Variants in TMEM119 observed in about 807,000 individuals in gnomAD.
TMEM119 encodes the protein osteoblast induction factor.
For synonymous variants in TMEM119, 182 were observed against 176.4 expected, an observed-to-expected ratio of 1.03 and a Z score of -0.25; for missense variants, 410 against 381.0, an observed-to-expected ratio of 1.08 and a Z score of -0.63.
intron 1 of TMEM119, among the ~76,000 whole-genome samples, chr12:108,597,457 CCA>C (rs140676624): frequency 6.0e-5 from 9 of 149,362 alleles, no homozygotes; most frequent in Admixed American, 1.3e-4. Flanking sequence ...CAATCCCCCT[CCA>C]CACACACACA....
intron 1 of TMEM119, among the ~76,000 whole-genome samples, chr12:108,594,768 A>G (rs1316079534): frequency 6.6e-6 from 1 of 151,926 alleles, no homozygotes; most frequent in African/African-American, 2.4e-5. Flanking sequence ...CCACCTCTAC[A>G]AAAAAATAAA....
chr12:108,595,504 C>A, intron 1 of TMEM119, among the ~76,000 whole-genome samples: 1 of 149,060 alleles, frequency 6.7e-6, no homozygotes, highest in East Asian at 2.0e-4. Context: ...TGCACACACG[C>A]CACACATACC....
At chr12:108,597,656 C>T (rs905077004) in intron 1 of TMEM119, among the ~76,000 whole-genome samples, 1 of 151,976 alleles carries the variant, frequency 6.6e-6, no homozygotes, top group South Asian at 2.1e-4. Context: ...GCACACAGGA[C>T]AATACCGTCC....
rs2031395803 is a variant in TMEM119, at chr12:108,591,526, G to A, written c.*6C>T. ...GACAGTCAGGGCTGGCAGCCCGGGA[G>A]GACTGTTAGACACTGGGGTGGACAC... On this transcript the variant is annotated 3_prime_UTR_variant, in exon 2 of 2. Transcript: ENST00000392806. The surrounding 1 kb of genome is among the most constrained non-coding windows in gnomAD (Gnocchi z 4.2). 2 of 1,575,572 alleles carry A rather than the reference G, an allele frequency of 1.3e-6. No individual in the cohort carries two copies. Among genetic ancestry groups the A allele is most frequent in the East Asian group, 4.5e-5 (2 of 44,282 alleles).
rs527251100 is a variant in TMEM119, at chr12:108,590,286, C to T, written c.*1246G>A. 6.6e-6 allele frequency: 1 copy of T among 152,280 alleles called. No individual in the cohort carries two copies. Among genetic ancestry groups the T allele is most frequent in the South Asian group, 2.1e-4 (1 of 4,828 alleles). The allele number at this position is 152,280 out of a possible 1,614,324, so 9.4% of individuals were successfully genotyped here. A position where few individuals can be genotyped will look rare whatever the true frequency, so the allele number is the denominator to read the frequency against. On this transcript the variant is annotated 3_prime_UTR_variant, in exon 2 of 2. Transcript: ENST00000392806. Reference sequence around the variant, plus strand: ...GAGCGCTTGAGAGGATTTAAATGCCCTATACCCCACATCCCTAATCCTGGA... The same window carrying T: ...GAGCGCTTGAGAGGATTTAAATGCCTTATACCCCACATCCCTAATCCTGGA...
rs922810391 is a variant in TMEM119, at chr12:108,590,696, C to CA, written c.*835dup. 7.5e-4 allele frequency: 110 copies of CA among 147,164 alleles called. No individual in the cohort carries two copies. The highest frequency in any genetic ancestry group is 5.5e-3 in the East Asian group (28 of 5,090). 9.1% of individuals were successfully genotyped at this position (147,164 alleles called of 1,614,324 possible). ...TGGGTGACAGACCGAGACTCCGTCT[C>CA]AAAAAAAAAAATCTTGTTTCCGTAG... On this transcript the variant is annotated 3_prime_UTR_variant, in exon 2 of 2. Coordinates refer to ENST00000392806, the MANE Select transcript of TMEM119 (RefSeq NM_181724.3).
At chr12:108,593,540 C>A (rs2031454727) in intron 1 of TMEM119, among the ~76,000 whole-genome samples, 1 of 152,152 alleles carries the variant, frequency 6.6e-6, no homozygotes, top group South Asian at 2.1e-4. Flanking sequence ...CATGGACAGC[C>A]CCCTGTGGCT....
At position 108,591,459 on chromosome 12, in the gene TMEM119, G is replaced by A; in HGVS notation, c.*73C>T. 2 of 1,487,834 alleles carry A rather than the reference G, an allele frequency of 1.3e-6. No homozygotes were observed. The highest frequency in any genetic ancestry group is 1.8e-6 in the Non-Finnish European group (2 of 1,117,022). The allele number at this position is 1,487,834 out of a possible 1,614,324, so 92.2% of individuals were successfully genotyped here. On this transcript the variant is annotated 3_prime_UTR_variant, in exon 2 of 2. Transcript: ENST00000392806. This position sits in a 1 kb window ranked among gnomAD's most constrained non-coding sequence, Gnocchi z 4.2. ...GGAGTGTCAGGAAGCAGTCAGGGCTGAAGGCCTTTTCATACACGGGGAGGT... is the reference window on the plus strand; with the variant it reads ...GGAGTGTCAGGAAGCAGTCAGGGCTAAAGGCCTTTTCATACACGGGGAGGT...
intron 1 of TMEM119, chr12:108,594,096 A>C (rs146160518): frequency 1.3e-5 from 2 of 152,418 alleles, no homozygotes; most frequent in Non-Finnish European, 2.9e-5. Context: ...GGCTGCGGTC[A>C]CATCTCCAGC....
chr12:108,595,411 ACACT>A (rs1161757689), intron 1 of TMEM119, among the ~76,000 whole-genome samples: 3 of 149,244 alleles, frequency 2.0e-5, no homozygotes, highest in East Asian at 2.0e-4. Flanking sequence ...TACCACACAC[ACACT>A]CACACACCCA....
Position 108,592,270 on chromosome 12 carries a change from C to A in TMEM119, c.114G>T (p.Val38=). The change falls in exon 2 of 2, where the codon GTG becomes GTT. Residue 38 remains valine (V), a synonymous_variant. Coordinates refer to ENST00000392806, the MANE Select transcript of TMEM119 (RefSeq NM_181724.3). This position sits in a 1 kb window ranked among gnomAD's most constrained non-coding sequence, Gnocchi z 4.3. ...VPLKATFLED[V]AGSGEAEGSS... ...AGCCCTCGGCCTCCCCACTACCCGC[C>A]ACATCCTCCAGGAACGTGGCCTTCA... is the stretch of plus-strand genomic sequence containing the variant. 1 of 1,609,620 alleles carries A rather than the reference C, an allele frequency of 6.2e-7. No homozygotes were observed.
In TMEM119 at chr12:108,591,259, C is replaced by T. The variant is rs147638664; in HGVS notation, c.*273G>A. On this transcript the variant is annotated 3_prime_UTR_variant, in exon 2 of 2. Transcript: ENST00000392806. This position sits in a 1 kb window ranked among gnomAD's most constrained non-coding sequence, Gnocchi z 4.2. ...TTTTATCCTGGCTGTCACAGGGACA[C>T]GTGCCCTCCCTCACTTTGTCAGGGG... 2,919 of 389,058 alleles carry T rather than the reference C, an allele frequency of 7.5e-3. 19 individuals carry two copies. Among genetic ancestry groups the T allele is most frequent in the Middle Eastern group, 0.02 (30 of 1,512 alleles). The allele number at this position is 389,058 out of a possible 1,614,324, so 24.1% of individuals were successfully genotyped here.
Position 108,591,901 on chromosome 12 carries a change from C to A in TMEM119, c.483G>T (p.Arg161Ser). 6.2e-7 allele frequency: 1 copy of A among 1,612,678 alleles called. No homozygotes were observed. Among genetic ancestry groups the A allele is most frequent in the Non-Finnish European group, 8.5e-7 (1 of 1,179,506 alleles). The change falls in exon 2 of 2, where the codon AGG (arginine) becomes AGT (serine). Residue 161 changes from arginine to serine, a missense_variant. Transcript: ENST00000392806. The surrounding 1 kb of genome is among the most constrained non-coding windows in gnomAD (Gnocchi z 4.2). ...SEVPDRAPDS[R>S]PEEALDSSRQ... ...GGGAGGAATCCAGGGCTTCCTCGGG[C>A]CTGCTGTCGGGGGCTCTGTCGGGGA...
chr12:108,595,773 G>A (rs2031495659), intron 1 of TMEM119, among the ~76,000 whole-genome samples: 1 of 152,108 alleles, frequency 6.6e-6, no homozygotes, highest in South Asian at 2.1e-4. Context: ...ATGAGGAAAG[G>A]ACCCCCTCAC....
rs145010851 is a variant in TMEM119, at chr12:108,594,833, G to A, written c.-14-2436C>T. 3.6e-3 allele frequency among the ~76,000 whole-genome samples: 551 copies of A among 151,624 alleles called. 5 individuals are homozygous for A. The highest frequency in any genetic ancestry group is 0.013 in the African/African-American group (519 of 41,304). Reference sequence around the variant, plus strand: ...GTAGTCCCAGCTACTTGGGAGGATCGCTTGAGCCCAGGAGTTCAAGACCAG... The same window carrying A: ...GTAGTCCCAGCTACTTGGGAGGATCACTTGAGCCCAGGAGTTCAAGACCAG... On this transcript the variant is annotated intron_variant, in intron 1 of 1. Coordinates refer to ENST00000392806, the MANE Select transcript of TMEM119 (RefSeq NM_181724.3).
chr12:108,597,435 G>A (rs2031521375), intron 1 of TMEM119, among the ~76,000 whole-genome samples: 1 of 151,252 alleles, frequency 6.6e-6, no homozygotes, highest in Non-Finnish European at 1.5e-5. Flanking sequence ...GGGGAGGGGG[G>A]TCCTGGGGGC....
In TMEM119 at chr12:108,591,951, C is replaced by A. The variant is rs756101047; in HGVS notation, c.433G>T (p.Gly145Trp). The change falls in exon 2 of 2, where the codon GGG becomes TGG. Residue 145 changes from glycine (G) to tryptophan (W), a missense_variant. By Grantham distance (184) the Gly-to-Trp change is radical. Coordinates refer to ENST00000392806, the MANE Select transcript of TMEM119 (RefSeq NM_181724.3). This position sits in a 1 kb window ranked among gnomAD's most constrained non-coding sequence, Gnocchi z 4.2. ...KKYVDQSDRA[G>W]GPRAFSEVPD... ...ACCTCACTGAAGGCCCGGGGGCCCC[C>A]GGCCCGGTCACTCTGGTCCACGTAC... The A allele has an allele frequency of 4.3e-6, 7 of 1,612,710 alleles. No homozygotes were observed. The highest frequency in any genetic ancestry group is 1.6e-4 in the Middle Eastern group (1 of 6,082).
At position 108,591,275 on chromosome 12, in the gene TMEM119, T is replaced by G; in HGVS notation, c.*257A>C. On this transcript the variant is annotated 3_prime_UTR_variant, in exon 2 of 2. Coordinates refer to ENST00000392806, the MANE Select transcript of TMEM119 (RefSeq NM_181724.3). This position sits in a 1 kb window ranked among gnomAD's most constrained non-coding sequence, Gnocchi z 4.2. Reference sequence around the variant, plus strand: ...ACAGGGACACGTGCCCTCCCTCACTTTGTCAGGGGAGCTGTGCTGTAGGAT... The same window carrying G: ...ACAGGGACACGTGCCCTCCCTCACTGTGTCAGGGGAGCTGTGCTGTAGGAT... 1 of 405,644 alleles carries G rather than the reference T, an allele frequency of 2.5e-6. No homozygotes were observed. Among genetic ancestry groups the G allele is most frequent in the African/African-American group, 2.1e-5 (1 of 48,756 alleles). The allele number at this position is 405,644 out of a possible 1,614,324, so 25.1% of individuals were successfully genotyped here.
chr12:108,595,358 C>CCT (rs1218780004), intron 1 of TMEM119, among the ~76,000 whole-genome samples: 1 of 98,238 alleles, frequency 1.0e-5, no homozygotes, highest in African/African-American at 5.6e-5. Flanking sequence ...ACTACACAAT[C>CCT]ATACACACAT....
Sources: gnomAD v4.1 joint callset for allele counts (sites outside exome capture counted in the v4.1 genomes callset) on GRCh38, gnomAD v4.1.1 for gene constraint, Gnocchi (gnomAD v3.1) non-coding constraint, MANE v1.5 for transcripts, NCBI Gene and HGNC (gene_info 2026-07-23, HGNC 2026-07-21) for gene names.